PAX3: variants seen among roughly 807,000 people sequenced by gnomAD.
PAX3 encodes the protein paired box 3.
In PAX3, 14 loss-of-function variants were observed where a neutral mutation model predicts 51.6. That is an observed-to-expected ratio of 0.27 (90% CI 0.18 to 0.42). The LOEUF (loss-of-function observed/expected upper bound fraction) is 0.42. PAX3 is among the 10% of genes least tolerant of loss of function. PAX3 has a pLI of 1.00. For missense variants in PAX3, 540 were observed against 642.8 expected (o/e 0.84, Z 1.73); for synonymous variants, 280 against 253.4 (o/e 1.11, Z -1.00).
intron 5 of PAX3, among the ~76,000 whole-genome samples, chr2:222,225,237 C>T (rs192866631): frequency 1.3e-4 from 20 of 152,288 alleles, no homozygotes; most frequent in African/African-American, 4.3e-4. Context: ...TCATTTTTAT[C>T]TGCCGCCTGT....
chr2:222,282,838 T>A (rs968905412), intron 4 of PAX3, among the ~76,000 whole-genome samples: 1 of 152,232 alleles, frequency 6.6e-6, no homozygotes, highest in Non-Finnish European at 1.5e-5. Context: ...AGCAATAGAA[T>A]ATTGGAGGAA....
At chr2:222,256,205 T>C (rs1483404877) in intron 4 of PAX3, among the ~76,000 whole-genome samples, 1 of 152,112 alleles carries the variant, frequency 6.6e-6, no homozygotes, top group African/African-American at 2.4e-5. Flanking sequence ...CCAGAATCAA[T>C]TACATTCCAA....
intron 4 of PAX3, among the ~76,000 whole-genome samples, chr2:222,268,557 A>T (rs1443942392): frequency 1.3e-5 from 2 of 152,098 alleles, no homozygotes; most frequent in Non-Finnish European, 2.9e-5. Context: ...GTGTTTCAAT[A>T]ACCAGGCACA....
In PAX3 at chr2:222,251,062, G is replaced by A. The variant is rs141661504; in HGVS notation, c.587-18779C>T. ...TCATAACCACCCTCAGGTGAAGGGG[G>A]AACACTGTCAATACCCATCACAATA... On this transcript the variant is annotated intron_variant, in intron 4 of 8. Transcript: ENST00000392070. Among the ~76,000 whole-genome samples the A allele has an allele frequency of 4.6e-5, 7 of 152,150 alleles. No individual in the cohort carries two copies. In the East Asian group the frequency reaches 9.6e-4, roughly 21 times the overall value.
intron 6 of PAX3, 44 bp downstream of exon 6, chr2:222,221,178 C>T (rs201822853): frequency 5.6e-5 from 88 of 1,577,524 alleles, no homozygotes; most frequent in Non-Finnish European, 7.1e-5. Context: ...CCAGAGAAAT[C>T]GCCTGGAAGT....
At chr2:222,286,250 A>G (rs906889715) in intron 4 of PAX3, among the ~76,000 whole-genome samples, 3 of 152,240 alleles carry the variant, frequency 2.0e-5, no homozygotes, top group Admixed American at 1.3e-4. Flanking sequence ...TTGATCAGCT[A>G]TTTTTAAACA....
At chr2:222,254,939 A>C (rs10205143) in intron 4 of PAX3, among the ~76,000 whole-genome samples, 135,998 of 152,106 alleles carry the variant, frequency 0.89, 61,009 homozygotes, top group East Asian at 1. Flanking sequence ...TGCACCACCA[A>C]GCCTGGCTAA....
At chr2:222,204,241 G>A (rs377644168) in intron 7 of PAX3, among the ~76,000 whole-genome samples, 7 of 152,174 alleles carry the variant, frequency 4.6e-5, no homozygotes, top group African/African-American at 1.7e-4. Context: ...CTAGAATGTG[G>A]GTTCTTTTAG....
At chr2:222,287,510 G>T (rs1291410522) in intron 4 of PAX3, 1 of 152,174 alleles carries the variant, frequency 6.6e-6, no homozygotes, top group African/African-American at 2.4e-5. Context: ...TGTCCCTGGG[G>T]CAGTGTGTGA....
At chr2:222,269,765 G>A (rs1166211191) in intron 4 of PAX3, among the ~76,000 whole-genome samples, 2 of 151,946 alleles carry the variant, frequency 1.3e-5, no homozygotes, top group Non-Finnish European at 1.5e-5. Context: ...CCGAGATAAA[G>A]TATTTTCAGT....
rs139297920 is a variant in PAX3, at chr2:222,201,411, C to G, written c.1452G>C (p.Ala484=). 9.2e-5 allele frequency: 149 copies of G among 1,613,750 alleles called. 1 individual carries two copies. In the South Asian group the frequency reaches 1.5e-3, roughly 17 times the overall value. ...SAFHYLKPDI[A] is the part of the protein sequence containing the mutation. Reference sequence around the variant, plus strand: ...TAGCTCCAAGTGGACAGTTCACTTACGCGATATCTGGCTTGAGATAATGAA... The same window carrying G: ...TAGCTCCAAGTGGACAGTTCACTTAGGCGATATCTGGCTTGAGATAATGAA... The change falls in exon 9 of 9, where the codon GCG becomes GCC. Residue 484 remains alanine, a synonymous_variant. Coordinates refer to ENST00000392070, the MANE Select transcript of PAX3 (RefSeq NM_181458.4).
rs571592508 is a variant in PAX3, at chr2:222,202,272, A to T, written c.1174-82T>A. The T allele has an allele frequency of 6.5e-6, 7 of 1,077,190 alleles. No individual in the cohort carries two copies. In the African/African-American group the frequency reaches 9.4e-5, roughly 14 times the overall value. The allele number at this position is 1,077,190 out of a possible 1,614,324, so 66.7% of individuals were successfully genotyped here. A position where few individuals can be genotyped will look rare whatever the true frequency, so the allele number is the denominator to read the frequency against. On this transcript the variant is annotated intron_variant, in intron 7 of 8. Coordinates refer to ENST00000392070, the MANE Select transcript of PAX3 (RefSeq NM_181458.4). ...CCTACAGCTGAAAGAATAACTTGAC[A>T]GTCCAGTTTTTATTTCTTTGGAAAT...
At chr2:222,214,599 G>T (rs1314091529) in intron 7 of PAX3, 1 of 152,014 alleles carries the variant, frequency 6.6e-6, no homozygotes, top group Non-Finnish European at 1.5e-5. Flanking sequence ...AGTCTGTGAT[G>T]ATTCAGCCGA....
Position 222,296,287 on chromosome 2 carries a change from G to A in PAX3, c.322-630C>T, listed in dbSNP as rs558268581. Among the ~76,000 whole-genome samples the A allele has an allele frequency of 3.9e-5, 6 of 152,366 alleles. No homozygotes were observed. In the South Asian group the frequency reaches 1.0e-3, roughly 26 times the overall value. On this transcript the variant is annotated intron_variant, in intron 2 of 8. Coordinates refer to ENST00000392070, the MANE Select transcript of PAX3 (RefSeq NM_181458.4). The stretch of plus-strand genomic sequence containing the variant: ...GGTGGGAAGGAAGAGGAGGGTGTTT[G>A]GAGGTCTTCGGTTTACCATAACCCT...
chr2:222,205,623 T>C (rs1691474501), intron 7 of PAX3, among the ~76,000 whole-genome samples: 1 of 152,206 alleles, frequency 6.6e-6, no homozygotes, highest in Non-Finnish European at 1.5e-5. Context: ...GATTAATAAA[T>C]AATTATAATG....
chr2:222,233,426 G>A (rs546862817), intron 4 of PAX3, among the ~76,000 whole-genome samples: 1 of 152,300 alleles, frequency 6.6e-6, no homozygotes, highest in South Asian at 2.1e-4. Flanking sequence ...ATCTGTGGCT[G>A]CAACTAGCAA....
At chr2:222,287,943 A>G (rs1694891156) in intron 4 of PAX3, among the ~76,000 whole-genome samples, 1 of 152,228 alleles carries the variant, frequency 6.6e-6, no homozygotes, top group Admixed American at 6.5e-5. Flanking sequence ...CCCCACACAC[A>G]GGCAGATCCA....
chr2:222,279,091 C>T (rs1694535642), intron 4 of PAX3, among the ~76,000 whole-genome samples: 2 of 152,198 alleles, frequency 1.3e-5, no homozygotes, highest in Admixed American at 1.3e-4. Context: ...GCTGGGACTA[C>T]AGGCACCTGC....
At chr2:222,260,591 GTTTTTTTTT>G (rs374339768) in intron 4 of PAX3, among the ~76,000 whole-genome samples, 5 of 63,072 alleles carry the variant, frequency 7.9e-5, no homozygotes, top group East Asian at 1.0e-3. Flanking sequence ...TTTTTTTTTT[GTTTTTTTTT>G]TTTTTTTTTG....
Sources: gnomAD v4.1 joint callset for allele counts (sites outside exome capture counted in the v4.1 genomes callset) on GRCh38, gnomAD v4.1.1 for gene constraint, MANE v1.5 for transcripts, NCBI Gene and HGNC (gene_info 2026-07-23, HGNC 2026-07-21) for gene names.